The following SRGAP3 variants were observed in gnomAD, a reference collection of about 807,000 sequenced individuals.
SRGAP3 encodes the protein SLIT-ROBO Rho GTPase activating protein 3.
In SRGAP3, 39 loss-of-function variants were observed where a neutral mutation model predicts 121.1. The ratio of observed to expected loss-of-function variants is 0.32; its 90% confidence interval spans 0.25 to 0.42. The LOEUF (loss-of-function observed/expected upper bound fraction) is 0.42, where lower values mean the gene tolerates loss of function less well. SRGAP3 is among the 10% of genes least tolerant of loss of function. SRGAP3 has a pLI of 1.00. For synonymous variants in SRGAP3, 601 were observed against 570.0 expected, an observed-to-expected ratio of 1.05 and a Z score of -0.77; for missense variants, 1,213 against 1,470.6, an observed-to-expected ratio of 0.82 and a Z score of 2.86.
intron 3 of SRGAP3, among the ~76,000 whole-genome samples, chr3:9,274,330 C>T (rs1293379843): frequency 6.6e-6 from 1 of 152,250 alleles, no homozygotes; most frequent in Non-Finnish European, 1.5e-5. Context: ...GGCAGTGGAA[C>T]TAGCCAGCTG....
At chr3:9,244,097 C>T (rs1044518059) in intron 1 of SRGAP3, among the ~76,000 whole-genome samples, 8 of 152,146 alleles carry the variant, frequency 5.3e-5, no homozygotes, top group African/African-American at 1.9e-4. Context: ...TTGAAACCAG[C>T]GAGCATTCCT....
chr3:9,156,312 T>C (rs1950414609), intron 1 of SRGAP3, among the ~76,000 whole-genome samples: 1 of 152,220 alleles, frequency 6.6e-6, no homozygotes. Flanking sequence ...TTGCATTCTC[T>C]CTCAATCTCA....
intron 18 of SRGAP3, among the ~76,000 whole-genome samples, chr3:9,001,607 T>G (rs1249514471): frequency 6.6e-6 from 1 of 152,132 alleles, no homozygotes; most frequent in Non-Finnish European, 1.5e-5. Context: ...CAAATGTGAA[T>G]GGATTAAACA....
chr3:9,046,976 G>A (rs558104917), intron 10 of SRGAP3, among the ~76,000 whole-genome samples: 235 of 151,762 alleles, frequency 1.5e-3, no homozygotes, highest in African/African-American at 5.1e-3. Context: ...GACTACAGGC[G>A]CCCGCCACCA....
rs114482151 is a variant in SRGAP3, at chr3:9,238,332, G to A, written c.67+10553C>T. ...CCTTGGTCCCTCCTCAGTCAGGGAG[G>A]GCATTCTGTGTTCATTGCCTCAGGG... On this transcript the variant is annotated intron_variant, in intron 1 of 21. Coordinates refer to ENST00000383836, the MANE Select transcript of SRGAP3 (RefSeq NM_014850.4). Among the ~76,000 whole-genome samples the A allele has an allele frequency of 8.8e-3, 1,339 of 152,250 alleles. 7 individuals carry two copies. The highest frequency in any genetic ancestry group is 0.017 in the African/African-American group (722 of 41,536).
intron 18 of SRGAP3, among the ~76,000 whole-genome samples, chr3:9,009,731 TTCTC>T (rs956063532): frequency 6.6e-6 from 1 of 150,494 alleles, no homozygotes; most frequent in Non-Finnish European, 1.5e-5. Context: ...TGACTGGCCT[TTCTC>T]TCTCTCTCTC....
chr3:9,279,276 C>G (rs998622973), intron 3 of SRGAP3, among the ~76,000 whole-genome samples: 1 of 152,148 alleles, frequency 6.6e-6, no homozygotes, highest in African/African-American at 2.4e-5. Context: ...CTAGAAACAC[C>G]TATAAGCTGA....
At chr3:9,125,425 A>T (rs903438546) in intron 1 of SRGAP3, among the ~76,000 whole-genome samples, 1 of 152,226 alleles carries the variant, frequency 6.6e-6, no homozygotes, top group African/African-American at 2.4e-5. Flanking sequence ...TTTATCAACC[A>T]AAGGAAAACG....
At chr3:9,345,917 T>C (rs1446258307) in intron 1 of SRGAP3, among the ~76,000 whole-genome samples, 1 of 152,220 alleles carries the variant, frequency 6.6e-6, no homozygotes, top group Non-Finnish European at 1.5e-5. Context: ...CCATTAGTCT[T>C]CTGGATGAAC....
chr3:9,288,848 T>C (rs1327084917), intron 3 of SRGAP3, among the ~76,000 whole-genome samples: 4 of 152,140 alleles, frequency 2.6e-5, no homozygotes, highest in African/African-American at 9.7e-5. Context: ...AGTGCTGGGA[T>C]TACAGGTATG....
At chr3:9,202,644 T>A (rs1952107943) in intron 1 of SRGAP3, among the ~76,000 whole-genome samples, 1 of 152,082 alleles carries the variant, frequency 6.6e-6, no homozygotes, top group African/African-American at 2.4e-5. Flanking sequence ...TCCTGCCCCA[T>A]CTCTGCTCAC....
At chr3:9,336,198 T>TCTCCCC (rs1955690000) in intron 1 of SRGAP3, among the ~76,000 whole-genome samples, 1 of 150,988 alleles carries the variant, frequency 6.6e-6, no homozygotes, top group Non-Finnish European at 1.5e-5. Flanking sequence ...TTGGAAGCCC[T>TCTCCCC]CTCCCCCTCC....
intron 3 of SRGAP3, among the ~76,000 whole-genome samples, chr3:9,101,988 C>T (rs529776993): frequency 2.0e-5 from 3 of 152,342 alleles, no homozygotes; most frequent in East Asian, 1.9e-4. Flanking sequence ...AACCACCTCC[C>T]GCATCAGTGA....
At chr3:9,103,802 C>A (rs1177332967) in intron 3 of SRGAP3, among the ~76,000 whole-genome samples, 1 of 152,230 alleles carries the variant, frequency 6.6e-6, no homozygotes, top group Non-Finnish European at 1.5e-5. Flanking sequence ...GCACCTTGTA[C>A]ATGCCAGGCA....
intron 17 of SRGAP3, among the ~76,000 whole-genome samples, chr3:9,011,143 T>C (rs1160898633): frequency 1.3e-5 from 2 of 152,116 alleles, no homozygotes; most frequent in Admixed American, 6.5e-5. Flanking sequence ...CCTGGCTTCA[T>C]GTTGCTTACA....
chr3:9,045,473 T>C (rs552324012), intron 10 of SRGAP3, among the ~76,000 whole-genome samples: 1 of 152,088 alleles, frequency 6.6e-6, no homozygotes, highest in Non-Finnish European at 1.5e-5. Context: ...GAGGACCAAA[T>C]GGACCAGGAG....
intron 3 of SRGAP3, among the ~76,000 whole-genome samples, chr3:9,308,755 G>A (rs868435536): frequency 2.0e-5 from 3 of 152,116 alleles, no homozygotes; most frequent in African/African-American, 4.8e-5. Flanking sequence ...TAGTCTCCTC[G>A]GTGATTCCTT....
intron 1 of SRGAP3, among the ~76,000 whole-genome samples, chr3:9,149,943 T>C (rs1186147700): frequency 1.3e-5 from 2 of 152,132 alleles, no homozygotes; most frequent in Non-Finnish European, 1.5e-5. Context: ...CATGGGTTTG[T>C]TGAGTGCCCC....
chr3:9,018,518 T>C (rs1449277320), intron 14 of SRGAP3, among the ~76,000 whole-genome samples: 5 of 152,184 alleles, frequency 3.3e-5, no homozygotes, highest in Admixed American at 2.0e-4. Context: ...TCAGCATCTG[T>C]TATTGTCTGC....
Sources: gnomAD v4.1 joint callset for allele counts (sites outside exome capture counted in the v4.1 genomes callset) on GRCh38, gnomAD v4.1.1 for gene constraint, MANE v1.5 for transcripts, NCBI Gene and HGNC (gene_info 2026-07-23, HGNC 2026-07-21) for gene names.